MINK1: variants seen among roughly 807,000 people sequenced by gnomAD.
MINK1 encodes the protein misshapen like kinase 1, also known as misshapen-like kinase 1.
Under a neutral mutation model 178.4 loss-of-function variants are expected in MINK1, and 46 were observed. The observed-to-expected ratio is 0.26, with a 90% CI of 0.20 to 0.33. MINK1 has a LOEUF of 0.33. Among genes scored for constraint, MINK1 ranks in the 10% least tolerant of loss-of-function variants. MINK1 has a pLI of 1.00. For synonymous variants in MINK1, 797 were observed against 709.7 expected, an observed-to-expected ratio of 1.12 and a Z score of -1.96; for missense variants, 1,366 against 1,814.9, an observed-to-expected ratio of 0.75 and a Z score of 4.49.
At chr17:4,892,061 G>T in intron 16 of MINK1, 88 bp from the exon 17 acceptor site, 1 of 1,086,836 alleles carries the variant, frequency 9.2e-7, no homozygotes. Flanking sequence ...ATCAAAGTGG[G>T]GGAGCTCACC....
chr17:4,895,714 G>A lies in MINK1; in HGVS notation c.3246G>A (p.Leu1082=). 1.2e-6 allele frequency: 2 copies of A among 1,613,588 alleles called. No homozygotes were observed. The highest frequency in any genetic ancestry group is 1.7e-6 in the Non-Finnish European group (2 of 1,179,762). Reference sequence around the variant, plus strand: ...GTCCCTCAGGGAAAAGGAACAAACTGCGGGTGTATTACCTGTCCTGGCTCC... The same window carrying A: ...GTCCCTCAGGGAAAAGGAACAAACTACGGGTGTATTACCTGTCCTGGCTCC... The part of the protein sequence containing the change: ...LITISGKRNK[L]RVYYLSWLRN... The change falls in exon 27 of 32, where the codon CTG becomes CTA. Residue 1082 remains leucine, a synonymous_variant. Transcript: ENST00000355280. This position sits in a 1 kb window ranked among gnomAD's most constrained non-coding sequence, Gnocchi z 4.3.
In MINK1 at chr17:4,885,757, A is replaced by C; in HGVS notation, c.639+144A>C. 1 of 1,399,540 alleles carries C rather than the reference A, an allele frequency of 7.1e-7. No homozygotes were observed. The highest frequency in any genetic ancestry group is 9.8e-7 in the Non-Finnish European group (1 of 1,021,168). 86.7% of individuals were successfully genotyped at this position (1,399,540 alleles called of 1,614,324 possible). ...CTGGGGAACATCTTACGGCAAGGCA[A>C]GTGTGGGTGGGAAGATGGGATGGGT... On this transcript the variant is annotated intron_variant, in intron 7 of 31. Coordinates refer to ENST00000355280, the MANE Select transcript of MINK1 (RefSeq NM_153827.5). The surrounding 1 kb of genome is among the most constrained non-coding windows in gnomAD (Gnocchi z 5.0).
intron 1 of MINK1, chr17:4,857,160 G>A: frequency 7.4e-6 from 2 of 271,264 alleles, no homozygotes; most frequent in South Asian, 3.8e-5. Flanking sequence ...AGGGGGGACA[G>A]CCGCCACTAG....
chr17:4,851,999 C>CAAAAA (rs535581252), intron 1 of MINK1, among the ~76,000 whole-genome samples: 33 of 69,438 alleles, frequency 4.8e-4, no homozygotes, highest in African/African-American at 2.1e-3. Context: ...GACTCTGTCT[C>CAAAAA]AAAAAAAAAA....
At chr17:4,864,115 G>A (rs983610806) in intron 1 of MINK1, among the ~76,000 whole-genome samples, 1 of 152,064 alleles carries the variant, frequency 6.6e-6, no homozygotes, top group Non-Finnish European at 1.5e-5. Flanking sequence ...AAAGGGCTAT[G>A]GGGGCCAGGT....
rs373917881 is a variant in MINK1 at position 4,839,155 on chromosome 17, G to A, written c.57+5515G>A. Among the ~76,000 whole-genome samples, 26 of 152,266 alleles carry A rather than the reference G, an allele frequency of 1.7e-4. No individual in the cohort carries two copies. The East Asian group carries it at 2.7e-3, about 16-fold the overall frequency. ...AGACGGGGTTTCACCGTGTTAGCCA[G>A]GATGGTCTTGATCTCCTGACCTTGT... On this transcript the variant is annotated intron_variant, in intron 1 of 31. Coordinates refer to ENST00000355280, the MANE Select transcript of MINK1 (RefSeq NM_153827.5).
At chr17:4,867,503 A>C (rs1389237084) in intron 1 of MINK1, among the ~76,000 whole-genome samples, 1 of 152,018 alleles carries the variant, frequency 6.6e-6, no homozygotes, top group African/African-American at 2.4e-5. Context: ...TAATAATTAA[A>C]ATTTTTAAAA....
chr17:4,880,944 C>T (rs1028920465), intron 2 of MINK1, 40 bp from the exon 3 acceptor site: 15 of 1,450,196 alleles, frequency 1.0e-5, no homozygotes, highest in African/African-American at 5.7e-5. Context: ...TCTCTACGCT[C>T]CACCCTCTGA....
chr17:4,837,529 G>A (rs1909494189), intron 1 of MINK1, among the ~76,000 whole-genome samples: 1 of 152,238 alleles, frequency 6.6e-6, no homozygotes, highest in Admixed American at 6.5e-5. Context: ...TTGAAGTAAA[G>A]TTAGGATCAT....
intron 1 of MINK1, among the ~76,000 whole-genome samples, chr17:4,863,407 G>A (rs1376363936): frequency 2.0e-5 from 3 of 152,178 alleles, no homozygotes; most frequent in East Asian, 1.9e-4. Flanking sequence ...ATTTGAAATG[G>A]CTGAAGGGGA....
In MINK1 at chr17:4,891,055, GCCCCCAGGA is replaced by G. The variant is rs1383521431; in HGVS notation, c.1676_1684del (p.Pro559_Pro561del). 5.8e-6 allele frequency: 9 copies of G among 1,554,424 alleles called. No individual in the cohort carries two copies. The highest frequency in any genetic ancestry group is 1.2e-5 in the South Asian group (1 of 84,278). On this transcript the variant is annotated inframe_deletion, in exon 15 of 32. Coordinates refer to ENST00000355280, the MANE Select transcript of MINK1 (RefSeq NM_153827.5). ...CCCCCATCCCCCAGGCCTCCCCAGGGCCCCCAGGACCCCTTTCCCAGACTCCTCCTATGC... is the reference window on the plus strand; with the variant it reads ...CCCCCATCCCCCAGGCCTCCCCAGGGCCCCTTTCCCAGACTCCTCCTATGC...
intron 1 of MINK1, among the ~76,000 whole-genome samples, chr17:4,838,981 T>C (rs1438127842): frequency 2.0e-5 from 3 of 151,858 alleles, no homozygotes; most frequent in Non-Finnish European, 4.4e-5. Context: ...TCTCGCACTG[T>C]CGCCCAGGCT....
intron 1 of MINK1, among the ~76,000 whole-genome samples, chr17:4,864,749 T>C (rs1482028828): frequency 6.6e-6 from 1 of 151,082 alleles, no homozygotes; most frequent in Non-Finnish European, 1.5e-5. Context: ...ATGGGGAGAG[T>C]GGACAATGAC....
intron 1 of MINK1, chr17:4,859,129 C>T (rs1913694621): frequency 5.1e-6 from 5 of 985,368 alleles, no homozygotes; most frequent in Non-Finnish European, 6.0e-6. Flanking sequence ...TTGCTGGGCT[C>T]GAAGCACAGG....
intron 15 of MINK1, 22 bp from the exon 16 acceptor site, chr17:4,891,434 C>A: frequency 2.6e-6 from 4 of 1,529,852 alleles, no homozygotes; most frequent in Non-Finnish European, 3.5e-6. Context: ...GGCAGCCCAC[C>A]CTCCCTGGTC....
Position 4,893,555 on chromosome 17 carries a change from A to G in MINK1, c.2522A>G (p.Glu841Gly). ...AGTGAGGACGACGAGGAGGAAGGCG[A>G]AGGCGGGCCAGCAGAGGGGAGCAGA... ...ESSEDDEEEG[E>G]GGPAEGSRDT... is the part of the protein sequence containing the mutation. Residue 841 changes from glutamate (E) to glycine (G), a missense_variant, in exon 21 of 32, where the codon GAA becomes GGA. Around this residue, in one of 14 missense-constraint regions of MINK1, gnomAD observed 709 missense variants for 692.3 expected, o/e 1.02. Transcript: ENST00000355280. The G allele has an allele frequency of 2.5e-6, 4 of 1,586,392 alleles. No homozygotes were observed. The highest frequency in any genetic ancestry group is 1.7e-5 in the Admixed American group (1 of 57,944).
At chr17:4,852,791 GGAGTGTGTTTGGT>G (rs1168787950) in intron 1 of MINK1, among the ~76,000 whole-genome samples, 224 of 7,610 alleles carry the variant, frequency 0.029, 13 homozygotes, top group Middle Eastern at 0.11. Flanking sequence ...GTTGATGGGT[GGAGTGTGTTTGGT>G]GGGGGAGTGT....
At chr17:4,890,113 T>C (rs976431376) in intron 13 of MINK1, 2 of 434,292 alleles carry the variant, frequency 4.6e-6, no homozygotes, top group Non-Finnish European at 3.9e-6. Flanking sequence ...CTGCACCCCC[T>C]CATTCTCCTG....
Position 4,893,064 on chromosome 17 carries a change from C to G in MINK1, c.2397C>G (p.Pro799=), listed in dbSNP as rs543028059. The G allele has an allele frequency of 2.6e-6, 4 of 1,560,476 alleles. No homozygotes were observed. In the South Asian group the frequency reaches 4.7e-5, roughly 18 times the overall value. ...ACCACCGCTCACGGCCAGGCCGGCC[C>G]GCAGTGAGTCACCTGGTGGCAGGCA... ...PDDHRSRPGR[P]ADFVLLKERT... The change falls in exon 20 of 32, where the codon CCC becomes CCG. Residue 799 remains proline (P), a synonymous_variant. Transcript: ENST00000355280.
Sources: allele counts gnomAD v4.1 joint callset (sites outside exome capture counted in the v4.1 genomes callset), GRCh38; gene constraint gnomAD v4.1.1; regional missense constraint gnomAD v4.1.1; non-coding constraint Gnocchi (gnomAD v3.1); transcripts MANE v1.5; gene names NCBI Gene and HGNC (gene_info 2026-07-23, HGNC 2026-07-21).